The following ASZ1 variants were observed in gnomAD, a reference collection of about 807,000 sequenced individuals.
ASZ1 encodes ankyrin repeat, SAM and basic leucine zipper domain containing 1.
Under a neutral mutation model 61.8 loss-of-function variants are expected in ASZ1, and 67 were observed. That is an observed-to-expected ratio of 1.08 (90% confidence interval 0.89 to 1.33). The LOEUF (loss-of-function observed/expected upper bound fraction) is 1.33, where lower values mean the gene tolerates loss of function less well. Ranked by LOEUF, ASZ1 falls within the 40% of genes most tolerant of loss-of-function variation. The pLI is 0.00. For synonymous variants in ASZ1, 193 were observed against 192.7 expected, an observed-to-expected ratio of 1.00 and a Z score of -0.01; for missense variants, 577 against 554.5, an observed-to-expected ratio of 1.04 and a Z score of -0.41.
intron 10 of ASZ1, among the ~76,000 whole-genome samples, chr7:117,372,578 C>T (rs1036583193): frequency 3.9e-5 from 6 of 152,006 alleles, no homozygotes; most frequent in Non-Finnish European, 8.8e-5. Flanking sequence ...ACAGTATAAG[C>T]GAACTAAAAC....
chr7:117,374,069 T>C lies in ASZ1; in HGVS notation c.1056-5352A>G, dbSNP rs371890325. Among the ~76,000 whole-genome samples, 11 of 152,142 alleles carry C rather than the reference T, an allele frequency of 7.2e-5. No homozygotes were observed. The East Asian group carries it at 1.9e-3, about 27-fold the overall frequency. Reference sequence around the variant, plus strand: ...TTTAAATATAGATCTTGCTGTAATATGGGGATATATTAAGGAAGAAGAATG... The same window carrying C: ...TTTAAATATAGATCTTGCTGTAATACGGGGATATATTAAGGAAGAAGAATG... On this transcript the variant is annotated intron_variant, in intron 10 of 12. Coordinates refer to ENST00000284629, the MANE Select transcript of ASZ1 (RefSeq NM_130768.3).
chr7:117,391,935 G>A (rs1259050198), intron 4 of ASZ1, among the ~76,000 whole-genome samples: 1 of 152,032 alleles, frequency 6.6e-6, no homozygotes, highest in Non-Finnish European at 1.5e-5. Flanking sequence ...GGGAGTACAG[G>A]CGTGCACCAC....
At chr7:117,407,089 T>C (rs575204333) in intron 4 of ASZ1, among the ~76,000 whole-genome samples, 2 of 151,972 alleles carry the variant, frequency 1.3e-5, no homozygotes, top group Non-Finnish European at 2.9e-5. Context: ...TAAAGGCAGG[T>C]AGACTAAACA....
intron 4 of ASZ1, among the ~76,000 whole-genome samples, chr7:117,407,585 A>C (rs919073878): frequency 1.3e-5 from 2 of 152,222 alleles, no homozygotes; most frequent in African/African-American, 4.8e-5. Context: ...GCAGTAAGAG[A>C]TAACAGGAAC....
intron 4 of ASZ1, among the ~76,000 whole-genome samples, chr7:117,405,514 C>G (rs1019110011): frequency 2.0e-5 from 3 of 152,198 alleles, no homozygotes; most frequent in Non-Finnish European, 4.4e-5. Context: ...TCTTCCAGAC[C>G]TTTTGATGTT....
intron 8 of ASZ1, among the ~76,000 whole-genome samples, 153 bp from the exon 9 acceptor site, chr7:117,381,220 C>T (rs1383248685): frequency 6.6e-6 from 1 of 151,922 alleles, no homozygotes; most frequent in East Asian, 1.9e-4. Flanking sequence ...AACTATGCTA[C>T]TGAGTAGACA....
intron 4 of ASZ1, among the ~76,000 whole-genome samples, chr7:117,399,170 C>CA (rs1387862447): frequency 6.6e-6 from 1 of 152,166 alleles, no homozygotes; most frequent in African/African-American, 2.4e-5. Context: ...GTCGAGGCTG[C>CA]AGTGAGCCAG....
At chr7:117,405,061 G>C (rs1317681494) in intron 4 of ASZ1, among the ~76,000 whole-genome samples, 1 of 151,994 alleles carries the variant, frequency 6.6e-6, no homozygotes, top group Non-Finnish European at 1.5e-5. Context: ...TCCTTTTGTG[G>C]GGTCCACTTT....
chr7:117,426,924 C>T lies in ASZ1; in HGVS notation c.117G>A (p.Arg39=), dbSNP rs117446983. The T allele has an allele frequency of 8.5e-3, 13,558 of 1,593,834 alleles. 79 individuals carry two copies. Among genetic ancestry groups the T allele is most frequent in the Non-Finnish European group, 0.01 (11,976 of 1,174,730 alleles). ...CTTTCTTTTCTTCAATGGGTAATAG[C>T]CTTTTCAATTTCTAGAAAAGTAAAC... is the stretch of plus-strand genomic sequence containing the variant. ...YLDRTSQKLK[R]LLPIEEKKEK... is the part of the protein sequence containing the mutation. The change falls in exon 2 of 13, where the codon AGG becomes AGA. Residue 39 remains arginine, a synonymous_variant. Transcript: ENST00000284629.
At chr7:117,422,212 AT>A (rs1797110610) in intron 3 of ASZ1, 24 bp downstream of exon 3, 1 of 1,604,558 alleles carries the variant, frequency 6.2e-7, no homozygotes, top group East Asian at 2.2e-5. Context: ...AAGCATAATC[AT>A]TTAAGTTATC....
intron 5 of ASZ1, 91 bp downstream of exon 5, chr7:117,385,607 C>A (rs1796338532): frequency 9.6e-7 from 1 of 1,038,316 alleles, no homozygotes; most frequent in East Asian, 2.6e-5. Flanking sequence ...ATATTCCAGC[C>A]CTTTTGTAAT....
At chr7:117,380,610 T>C (rs1240721408) in intron 9 of ASZ1, among the ~76,000 whole-genome samples, 1 of 151,604 alleles carries the variant, frequency 6.6e-6, no homozygotes, top group African/African-American at 2.4e-5. Context: ...TATTAGATAA[T>C]ACTAGATGGC....
intron 10 of ASZ1, 75 bp downstream of exon 10, chr7:117,379,863 A>G: frequency 2.1e-6 from 2 of 950,688 alleles, no homozygotes. Context: ...TGACTCAGAC[A>G]TTATGAAAAT....
intron 12 of ASZ1, among the ~76,000 whole-genome samples, 192 bp downstream of exon 12, chr7:117,367,160 T>C (rs2116442998): frequency 6.6e-6 from 1 of 152,314 alleles, no homozygotes; most frequent in East Asian, 1.9e-4. Context: ...TATTCTTCTT[T>C]TAGTACGCAT....
At chr7:117,414,372 T>C (rs1440247030) in intron 4 of ASZ1, among the ~76,000 whole-genome samples, 1 of 152,222 alleles carries the variant, frequency 6.6e-6, no homozygotes. Context: ...AATGTTTACT[T>C]AAAACAAAAT....
At position 117,382,109 on chromosome 7, in the gene ASZ1, A is replaced by G; in HGVS notation, c.848T>C (p.Leu283Ser). Residue 283 changes from leucine to serine, a missense_variant, in exon 8 of 13, where the codon TTA (leucine) becomes TCA (serine). Transcript: ENST00000284629. ...YTAFGDLEVF[L>S]HGLGLEHMTD... ...CATATGTTCAAGTCCAAGACCATGT[A>G]AAAATACTTCCAGATCTCCAAATGC... 1 of 1,600,188 alleles carries G rather than the reference A, an allele frequency of 6.2e-7. No homozygotes were observed. Among genetic ancestry groups the G allele is most frequent in the Non-Finnish European group, 8.6e-7 (1 of 1,167,804 alleles).
chr7:117,368,430 T>G, intron 11 of ASZ1, 182 bp downstream of exon 11: 1 of 1,270,482 alleles, frequency 7.9e-7, no homozygotes, highest in Non-Finnish European at 9.9e-7. Context: ...AATACAAAGT[T>G]TTAAAATCAG....
At chr7:117,380,951 G>A in intron 9 of ASZ1, 60 bp downstream of exon 9, 1 of 1,407,506 alleles carries the variant, frequency 7.1e-7, no homozygotes, top group Non-Finnish European at 9.9e-7. Flanking sequence ...GAGAAGAAAA[G>A]GATCCACAAT....
intron 4 of ASZ1, among the ~76,000 whole-genome samples, chr7:117,411,124 A>G (rs1796881540): frequency 1.3e-5 from 2 of 151,740 alleles, no homozygotes; most frequent in Admixed American, 1.3e-4. Context: ...ATTAGTGCCA[A>G]GAGCTTTTCA....
Sources: gnomAD v4.1 joint callset for allele counts (sites outside exome capture counted in the v4.1 genomes callset) on GRCh38, gnomAD v4.1.1 for gene constraint, MANE v1.5 for transcripts, NCBI Gene and HGNC (gene_info 2026-07-23, HGNC 2026-07-21) for gene names.